NCMAP: variants seen among roughly 807,000 people sequenced by gnomAD.
The protein encoded by NCMAP is noncompact myelin-associated protein.
A neutral mutation model predicts 7.8 loss-of-function variants in NCMAP; 8 were observed. That is an observed-to-expected ratio of 1.02 (90% CI 0.60 to 1.84). The LOEUF (loss-of-function observed/expected upper bound fraction) is 1.84. Among genes scored for constraint, NCMAP ranks in the 40% most tolerant of loss-of-function variants. The probability of loss-of-function intolerance (pLI) is 0.00; values close to 1 mark genes in which losing one functional copy is unlikely to be tolerated. For synonymous variants in NCMAP, 41 were observed against 52.9 expected (o/e 0.78, Z 0.98); for missense variants, 112 against 131.4 (o/e 0.85, Z 0.72).
At chr1:24,600,084 C>T (rs775995624) in intron 2 of NCMAP, among the ~76,000 whole-genome samples, 3 of 151,250 alleles carry the variant, frequency 2.0e-5, no homozygotes, top group Non-Finnish European at 4.4e-5. Flanking sequence ...GATCCTCACC[C>T]CCCAGCCTCA....
chr1:24,586,436 C>T (rs1651882365), intron 1 of NCMAP, among the ~76,000 whole-genome samples: 1 of 152,224 alleles, frequency 6.6e-6, no homozygotes, highest in South Asian at 2.1e-4. Context: ...ATGCGACTGT[C>T]ACTGCCGCTC....
rs757424433 is a variant in NCMAP, at chr1:24,576,004, G to T, written c.-7-19420G>T. On this transcript the variant is annotated intron_variant, in intron 1 of 3. Coordinates refer to ENST00000374392, the MANE Select transcript of NCMAP (RefSeq NM_001010980.5). The surrounding 1 kb of genome is among the most constrained non-coding windows in gnomAD (Gnocchi z 4.0). ...TTGCCCACAGTAACTTGGCTAGTTA[G>T]TGAAGGAGTCAGAACTAGCTCCCTC... Among the ~76,000 whole-genome samples the T allele has an allele frequency of 2.0e-4, 30 of 151,048 alleles. No homozygotes were observed. Among genetic ancestry groups the T allele is most frequent in the South Asian group, 4.2e-4 (2 of 4,794 alleles).
At chr1:24,558,281 G>A (rs1382411289) in intron 1 of NCMAP, among the ~76,000 whole-genome samples, 3 of 152,176 alleles carry the variant, frequency 2.0e-5, no homozygotes, top group East Asian at 1.9e-4. Flanking sequence ...GAAAAGCAGG[G>A]AGCAAGGCTG....
chr1:24,583,500 G>A (rs567109764), intron 1 of NCMAP, among the ~76,000 whole-genome samples: 2 of 152,244 alleles, frequency 1.3e-5, no homozygotes, highest in East Asian at 3.9e-4. Flanking sequence ...GATCACCTGA[G>A]GTCAGGAGTT....
intron 1 of NCMAP, among the ~76,000 whole-genome samples, chr1:24,582,513 A>G (rs1570527093): frequency 1.3e-5 from 2 of 152,190 alleles, no homozygotes; most frequent in South Asian, 2.1e-4. Flanking sequence ...CAGAGAGAGG[A>G]AGAGATGTGA....
chr1:24,581,230 C>T (rs1651735239), intron 1 of NCMAP, among the ~76,000 whole-genome samples: 1 of 151,854 alleles, frequency 6.6e-6, no homozygotes. Context: ...GATTCTCCTG[C>T]CTCAGCCTCC....
intron 1 of NCMAP, among the ~76,000 whole-genome samples, chr1:24,594,644 A>G (rs567846209): frequency 6.6e-6 from 1 of 152,120 alleles, no homozygotes; most frequent in African/African-American, 2.4e-5. Flanking sequence ...AACCATGCCC[A>G]TTTTTCAAGG....
Position 24,605,953 on chromosome 1 carries a change from C to A in NCMAP, c.*206C>A, listed in dbSNP as rs74062049. 3.6e-6 allele frequency: 2 copies of A among 559,540 alleles called. No homozygotes were observed. 34.7% of individuals were successfully genotyped at this position (559,540 alleles called of 1,614,324 possible). ...CTGTGTCCACATCCCTGCCGCCACC[C>A]CACCAAAAAGCTGCAGAACATTCTT... On this transcript the variant is annotated 3_prime_UTR_variant, in exon 4 of 4. Transcript: ENST00000374392.
intron 2 of NCMAP, among the ~76,000 whole-genome samples, chr1:24,597,417 T>A (rs1436090434): frequency 6.7e-6 from 1 of 148,994 alleles, no homozygotes; most frequent in Admixed American, 6.8e-5. Context: ...GGCATGAGAA[T>A]CGCCTGAACC....
At chr1:24,589,009 C>T (rs1185589432) in intron 1 of NCMAP, among the ~76,000 whole-genome samples, 1 of 152,162 alleles carries the variant, frequency 6.6e-6, no homozygotes, top group Non-Finnish European at 1.5e-5. Flanking sequence ...TGAATCCTGG[C>T]ATGGTTGGCA....
chr1:24,562,634 C>CT (rs1194884326), intron 1 of NCMAP, among the ~76,000 whole-genome samples: 11 of 152,248 alleles, frequency 7.2e-5, no homozygotes, highest in Admixed American at 7.2e-4. Flanking sequence ...TTCAGGTCCC[C>CT]TGCTCTTTGT....
chr1:24,577,415 T>G lies in NCMAP; in HGVS notation c.-7-18009T>G, dbSNP rs1330662930. ...GCACTGGCCTTGTTTTTTTTTTTTT[T>G]TTTTTTTTTTTTTTTTGGTTTTTTT... On this transcript the variant is annotated intron_variant, in intron 1 of 3. Coordinates refer to ENST00000374392, the MANE Select transcript of NCMAP (RefSeq NM_001010980.5). Among the ~76,000 whole-genome samples the G allele has an allele frequency of 4.1e-3, 599 of 145,818 alleles. 18 individuals are homozygous for G. The highest frequency in any genetic ancestry group is 0.014 in the African/African-American group (566 of 39,334).
At chr1:24,573,892 G>A (rs1044558879) in intron 1 of NCMAP, among the ~76,000 whole-genome samples, 3 of 146,414 alleles carry the variant, frequency 2.0e-5, no homozygotes, top group South Asian at 2.1e-4. Context: ...TGGACTAGAC[G>A]GGGAAGATCC....
At chr1:24,597,181 C>G (rs767744876) in intron 2 of NCMAP, among the ~76,000 whole-genome samples, 2 of 151,980 alleles carry the variant, frequency 1.3e-5, no homozygotes, top group Non-Finnish European at 2.9e-5. Flanking sequence ...ATCAGGAAGA[C>G]GAGAATAATT....
intron 1 of NCMAP, among the ~76,000 whole-genome samples, chr1:24,581,503 G>A (rs929822305): frequency 2.0e-5 from 3 of 152,368 alleles, no homozygotes; most frequent in Non-Finnish European, 4.4e-5. Flanking sequence ...TTACCTGTAA[G>A]TTCCCTGCAG....
At chr1:24,593,647 T>A (rs1159607098) in intron 1 of NCMAP, among the ~76,000 whole-genome samples, 5 of 152,272 alleles carry the variant, frequency 3.3e-5, no homozygotes, top group Admixed American at 6.5e-5. Context: ...CACCATTTTT[T>A]AAAATGTCCA....
At chr1:24,591,744 C>T (rs1462513957) in intron 1 of NCMAP, among the ~76,000 whole-genome samples, 12 of 151,934 alleles carry the variant, frequency 7.9e-5, no homozygotes, top group African/African-American at 1.2e-4. Flanking sequence ...TCTGGGAGTC[C>T]GGAGGGTCTG....
In NCMAP at chr1:24,585,034, G is replaced by A. The variant is rs1225468361; in HGVS notation, c.-7-10390G>A. On this transcript the variant is annotated intron_variant, in intron 1 of 3. Transcript: ENST00000374392. Reference sequence around the variant, plus strand: ...ATGAAAGAATAGATGGGTAAATGGAGCAGAAAATGTGCTCCCTTATTTCTG... The same window carrying A: ...ATGAAAGAATAGATGGGTAAATGGAACAGAAAATGTGCTCCCTTATTTCTG... Among the ~76,000 whole-genome samples, 4 of 151,988 alleles carry A rather than the reference G, an allele frequency of 2.6e-5. No homozygotes were observed. In the South Asian group the frequency reaches 6.2e-4, roughly 24 times the overall value.
intron 1 of NCMAP, among the ~76,000 whole-genome samples, chr1:24,577,408 T>G (rs1557596534): frequency 1.5e-4 from 22 of 143,226 alleles, no homozygotes; most frequent in Non-Finnish European, 2.4e-4. Flanking sequence ...CTTGTTTTTT[T>G]TTTTTTTTTT....
Sources: gnomAD v4.1 joint callset for allele counts (sites outside exome capture counted in the v4.1 genomes callset) on GRCh38, gnomAD v4.1.1 for gene constraint, Gnocchi (gnomAD v3.1) non-coding constraint, MANE v1.5 for transcripts, NCBI Gene and HGNC (gene_info 2026-07-23, HGNC 2026-07-21) for gene names.